PLPP4: variants seen among roughly 807,000 people sequenced by gnomAD.
The protein encoded by PLPP4 is phospholipid phosphatase 4, also known as diacylglycerol pyrophosphate like 2.
Under a neutral mutation model 32.2 loss-of-function variants are expected in PLPP4, and 20 were observed. That is an observed-to-expected ratio of 0.62 (90% CI 0.44 to 0.90). PLPP4 has a LOEUF of 0.90. Among genes scored for constraint, PLPP4 ranks in the 40% least tolerant of loss-of-function variants. The pLI is 0.00. For missense variants in PLPP4, 257 were observed against 353.1 expected, an observed-to-expected ratio of 0.73 and a Z score of 2.18; for synonymous variants, 127 against 133.0, an observed-to-expected ratio of 0.95 and a Z score of 0.31.
chr10:120,582,769 C>CCGTT (rs1564857290), intron 6 of PLPP4, among the ~76,000 whole-genome samples: 18 of 56,794 alleles, frequency 3.2e-4, no homozygotes, highest in African/African-American at 1.3e-3. Context: ...CTCCCTCCCT[C>CCGTT]CCTTCCTCCC....
At chr10:120,507,149 C>T in intron 2 of PLPP4, among the ~76,000 whole-genome samples, 1 of 152,106 alleles carries the variant, frequency 6.6e-6, no homozygotes, top group East Asian at 1.9e-4. Flanking sequence ...TTTGTACATT[C>T]AGGGGACATT....
intron 5 of PLPP4, among the ~76,000 whole-genome samples, chr10:120,553,729 C>G (rs1848017195): frequency 6.6e-6 from 1 of 152,340 alleles, no homozygotes; most frequent in East Asian, 1.9e-4. Context: ...AGCTTGCACC[C>G]TCTCAAGGAA....
intron 5 of PLPP4, among the ~76,000 whole-genome samples, chr10:120,527,494 C>G (rs190852970): frequency 6.6e-6 from 1 of 152,220 alleles, no homozygotes; most frequent in African/African-American, 2.4e-5. Flanking sequence ...ACGTTCCTCA[C>G]TGCTAAAAAT....
chr10:120,529,079 A>G lies in PLPP4; in HGVS notation c.445+7984A>G, dbSNP rs76935713. ...ACCAATTTTCATCTCCTCAGGGGGC[A>G]TATGAGAATGCATGTTCTAGGGCAG... On this transcript the variant is annotated intron_variant, in intron 5 of 6. Coordinates refer to ENST00000398250, the MANE Select transcript of PLPP4 (RefSeq NM_001030059.3). Among the ~76,000 whole-genome samples the G allele has an allele frequency of 4.3e-3, 654 of 152,182 alleles. 5 individuals are homozygous for G. Among genetic ancestry groups the G allele is most frequent in the African/African-American group, 0.015 (623 of 41,498 alleles).
intron 2 of PLPP4, among the ~76,000 whole-genome samples, chr10:120,512,574 G>A (rs1489263650): frequency 6.6e-6 from 1 of 152,160 alleles, no homozygotes; most frequent in Non-Finnish European, 1.5e-5. Context: ...GAGCATCTAA[G>A]CCTGCATTCA....
chr10:120,535,910 T>C (rs2133947738), intron 5 of PLPP4, among the ~76,000 whole-genome samples: 1 of 152,238 alleles, frequency 6.6e-6, no homozygotes, highest in Non-Finnish European at 1.5e-5. Context: ...TACTGACTTG[T>C]AACAGTCTTC....
rs139357624 is a variant in PLPP4 at position 120,461,735 on chromosome 10, A to G, written c.56+4374A>G. Among the ~76,000 whole-genome samples the G allele has an allele frequency of 2.5e-3, 377 of 152,330 alleles. 2 individuals are homozygous for G. The highest frequency in any genetic ancestry group is 8.4e-3 in the African/African-American group (348 of 41,578). On this transcript the variant is annotated intron_variant, in intron 1 of 6. Coordinates refer to ENST00000398250, the MANE Select transcript of PLPP4 (RefSeq NM_001030059.3). ...GGGCCACCATTTGTTATTGTCTCCA[A>G]TGCAATTACTGGCTTTGAAAATTTT...
intron 1 of PLPP4, among the ~76,000 whole-genome samples, chr10:120,476,220 G>A (rs766997136): frequency 1.3e-5 from 2 of 152,216 alleles, no homozygotes; most frequent in Non-Finnish European, 2.9e-5. Context: ...TGCCCCCTGT[G>A]CAGGCCTTGC....
intron 5 of PLPP4, among the ~76,000 whole-genome samples, chr10:120,546,076 C>A (rs1847601839): frequency 6.6e-6 from 1 of 152,158 alleles, no homozygotes. Context: ...GGGCCTACAG[C>A]CACAGACTGA....
chr10:120,528,320 C>T (rs1054518664), intron 5 of PLPP4, among the ~76,000 whole-genome samples: 3 of 152,076 alleles, frequency 2.0e-5, no homozygotes, highest in Admixed American at 6.5e-5. Flanking sequence ...GTGATCCGTC[C>T]GCCTCGGCCT....
intron 1 of PLPP4, among the ~76,000 whole-genome samples, chr10:120,474,107 A>G (rs987906596): frequency 1.3e-5 from 2 of 151,894 alleles, no homozygotes; most frequent in African/African-American, 2.4e-5. Context: ...CAACCTGTAT[A>G]TGGATTTATG....
At chr10:120,501,505 G>A (rs1353782334) in intron 1 of PLPP4, among the ~76,000 whole-genome samples, 3 of 152,128 alleles carry the variant, frequency 2.0e-5, no homozygotes, top group Non-Finnish European at 4.4e-5. Context: ...ACTCTGTAAG[G>A]TGTGTCTATT....
At chr10:120,536,250 CAAG>C (rs1233728655) in intron 5 of PLPP4, among the ~76,000 whole-genome samples, 2 of 151,746 alleles carry the variant, frequency 1.3e-5, no homozygotes, top group Non-Finnish European at 2.9e-5. Flanking sequence ...CAATCTTGAG[CAAG>C]AAGAAGAAAG....
intron 3 of PLPP4, among the ~76,000 whole-genome samples, chr10:120,517,565 A>T (rs543998812): frequency 1.3e-3 from 191 of 152,048 alleles, no homozygotes; most frequent in Non-Finnish European, 2.3e-3. Context: ...GCTGATTCAC[A>T]CTCTGCCCTC....
At chr10:120,538,052 C>CTGTGTGTGTGTGTGTG (rs972974599) in intron 5 of PLPP4, among the ~76,000 whole-genome samples, 251 of 18,980 alleles carry the variant, frequency 0.013, 21 homozygotes, top group African/African-American at 0.032. Flanking sequence ...CTCTCTCTCT[C>CTGTGTGTGTGTGTGTG]TGTGTGTGTG....
At chr10:120,461,752 G>A (rs1589703211) in intron 1 of PLPP4, among the ~76,000 whole-genome samples, 1 of 152,220 alleles carries the variant, frequency 6.6e-6, no homozygotes, top group African/African-American at 2.4e-5. Flanking sequence ...TACTGGCTTT[G>A]AAAATTTTGC....
chr10:120,553,263 C>T (rs757151464), intron 5 of PLPP4, among the ~76,000 whole-genome samples: 4 of 152,110 alleles, frequency 2.6e-5, no homozygotes, highest in Non-Finnish European at 4.4e-5. Context: ...TCACCAATGT[C>T]ATGGTTTTAG....
intron 1 of PLPP4, among the ~76,000 whole-genome samples, chr10:120,470,082 T>A (rs1848451515): frequency 6.6e-6 from 1 of 152,258 alleles, no homozygotes; most frequent in Admixed American, 6.5e-5. Context: ...TATTTACATT[T>A]CACCACAGTT....
intron 1 of PLPP4, among the ~76,000 whole-genome samples, chr10:120,491,458 TTC>T (rs1026389971): frequency 7.9e-5 from 12 of 151,860 alleles, no homozygotes; most frequent in Non-Finnish European, 1.5e-4. Flanking sequence ...CTCTTTCCAG[TTC>T]TCTTTCTTTC....
Sources: allele counts gnomAD v4.1 joint callset (sites outside exome capture counted in the v4.1 genomes callset), GRCh38; gene constraint gnomAD v4.1.1; transcripts MANE v1.5; gene names NCBI Gene and HGNC (gene_info 2026-07-23, HGNC 2026-07-21).